The following SLC44A3 variants were observed in gnomAD, a reference collection of about 807,000 sequenced individuals.
The protein encoded by SLC44A3 is solute carrier family 44 member 3, also known as choline transporter-like protein 3.
A neutral mutation model predicts 75.4 loss-of-function variants in SLC44A3; 74 were observed. The observed-to-expected ratio is 0.98, with a 90% confidence interval of 0.81 to 1.19. The LOEUF (loss-of-function observed/expected upper bound fraction) is 1.19. SLC44A3 is among the 50% of genes most tolerant of loss of function. The probability of loss-of-function intolerance (pLI) is 0.00; values close to 1 mark genes in which losing one functional copy is unlikely to be tolerated. For missense variants in SLC44A3, 700 were observed against 778.6 expected (o/e 0.90, Z 1.20); for synonymous variants, 310 against 296.9 (o/e 1.04, Z -0.45).
rs367930242 is a variant in SLC44A3, at chr1:94,871,966, G to C, written c.1482+4549G>C. 1.5e-3 allele frequency among the ~76,000 whole-genome samples: 225 copies of C among 152,318 alleles called. 1 individual carries two copies. The highest frequency in any genetic ancestry group is 5.3e-3 in the African/African-American group (221 of 41,570). ...CTGCAAAATTTATGAATGCACACAC[G>C]TAGACAGTTGGGATTTGCAAACTGG... On this transcript the variant is annotated intron_variant, in intron 12 of 14. Coordinates refer to ENST00000271227, the MANE Select transcript of SLC44A3 (RefSeq NM_001114106.3).
rs188027634 is a variant in SLC44A3 at position 94,880,456 on chromosome 1, G to C, written c.1483-10674G>C. ...AGCCAGTCACAAAAGGACGAATACT[G>C]TATGATTCCATTCAGTATTTCCAAT... On this transcript the variant is annotated intron_variant, in intron 12 of 14. Transcript: ENST00000271227. Among the ~76,000 whole-genome samples the C allele has an allele frequency of 3.8e-3, 577 of 152,272 alleles. 1 individual carries two copies. The highest frequency in any genetic ancestry group is 0.034 in the Middle Eastern group (10 of 294).
chr1:94,832,919 A>G (rs1249311302), intron 5 of SLC44A3, among the ~76,000 whole-genome samples: 1 of 151,958 alleles, frequency 6.6e-6, no homozygotes, highest in Non-Finnish European at 1.5e-5. Flanking sequence ...GTGAGCTGTG[A>G]TCATGCCACT....
intron 12 of SLC44A3, among the ~76,000 whole-genome samples, chr1:94,884,535 GTT>G (rs773689176): frequency 6.6e-6 from 1 of 152,158 alleles, no homozygotes; most frequent in Non-Finnish European, 1.5e-5. Flanking sequence ...TCTCAAGTTT[GTT>G]TTAGTAGTTC....
In SLC44A3 at chr1:94,895,008, T is replaced by C. The variant is rs996305658; in HGVS notation, c.*86T>C. ...GAAGATGAGACCACTAGAGAAAAGT[T>C]AGTGAATTTTTTTTTAAAAGACCTA... is the stretch of plus-strand genomic sequence containing the variant. On this transcript the variant is annotated 3_prime_UTR_variant, in exon 15 of 15. Coordinates refer to ENST00000271227, the MANE Select transcript of SLC44A3 (RefSeq NM_001114106.3). The C allele has an allele frequency of 4.7e-6, 5 of 1,067,684 alleles. No homozygotes were observed. In the African/African-American group the frequency reaches 4.8e-5, roughly 10 times the overall value. 66.1% of individuals were successfully genotyped at this position (1,067,684 alleles called of 1,614,324 possible).
chr1:94,850,718 G>T (rs1358519292), intron 9 of SLC44A3, among the ~76,000 whole-genome samples: 1 of 152,196 alleles, frequency 6.6e-6, no homozygotes, highest in Non-Finnish European at 1.5e-5. Context: ...GCTGAGATGA[G>T]ACAAGAGCTT....
At chr1:94,820,528 C>T (rs1297013351) in intron 1 of SLC44A3, 50 bp downstream of exon 1, 2 of 1,480,416 alleles carry the variant, frequency 1.4e-6, no homozygotes, top group Non-Finnish European at 9.0e-7. Flanking sequence ...GGGGAAGGGT[C>T]GAGTCCCCCG....
At chr1:94,876,738 A>G (rs1415713804) in intron 12 of SLC44A3, among the ~76,000 whole-genome samples, 1 of 152,204 alleles carries the variant, frequency 6.6e-6, no homozygotes, top group African/African-American at 2.4e-5. Context: ...GCAGATTCAG[A>G]TGTGCAGATG....
At chr1:94,828,888 G>A (rs1438953751) in intron 5 of SLC44A3, among the ~76,000 whole-genome samples, 1 of 152,124 alleles carries the variant, frequency 6.6e-6, no homozygotes, top group East Asian at 1.9e-4. Context: ...TACTAACGGG[G>A]TGATTTTATA....
chr1:94,872,058 T>G (rs1180686816), intron 12 of SLC44A3, among the ~76,000 whole-genome samples: 2 of 152,242 alleles, frequency 1.3e-5, no homozygotes, highest in Non-Finnish European at 2.9e-5. Context: ...GCAGTCATTC[T>G]TGTCTTGATG....
chr1:94,852,771 C>A (rs1172749849), intron 9 of SLC44A3, among the ~76,000 whole-genome samples: 2 of 152,150 alleles, frequency 1.3e-5, no homozygotes, highest in African/African-American at 4.8e-5. Context: ...TTTCTGGTTA[C>A]ATGAAAGAAA....
At chr1:94,860,199 A>T (rs1485155816) in intron 10 of SLC44A3, among the ~76,000 whole-genome samples, 1 of 152,202 alleles carries the variant, frequency 6.6e-6, no homozygotes, top group South Asian at 2.1e-4. Flanking sequence ...ACAAAGATGT[A>T]TTGCTAGGAT....
intron 12 of SLC44A3, among the ~76,000 whole-genome samples, chr1:94,878,862 T>TG (rs1668614812): frequency 1.3e-5 from 2 of 152,200 alleles, no homozygotes; most frequent in Non-Finnish European, 2.9e-5. Context: ...CAAATGATCT[T>TG]GGGAAAACCA....
chr1:94,845,470 G>A lies in SLC44A3; in HGVS notation c.1072+6G>A. 1 of 1,604,164 alleles carries A rather than the reference G, an allele frequency of 6.2e-7. No homozygotes were observed. The highest frequency in any genetic ancestry group is 8.5e-7 in the Non-Finnish European group (1 of 1,178,016). On this transcript the variant is annotated splice_donor_region_variant and intron_variant, in intron 9 of 14. Transcript: ENST00000271227. ...GCTGAGCCTGGGAACTGCAGGTAAG[G>A]GACAGTGGGTGTGGGTTCCATCACC...
At chr1:94,829,308 T>A (rs532789506) in intron 5 of SLC44A3, among the ~76,000 whole-genome samples, 49 of 151,898 alleles carry the variant, frequency 3.2e-4, no homozygotes, top group Admixed American at 1.2e-3. Flanking sequence ...TCGTTTACTT[T>A]TGGCTTTTTA....
chr1:94,847,506 C>T (rs1664566596), intron 9 of SLC44A3, among the ~76,000 whole-genome samples: 2 of 152,158 alleles, frequency 1.3e-5, no homozygotes, highest in Non-Finnish European at 2.9e-5. Flanking sequence ...GGCAGGCACG[C>T]ACCAATCAGA....
At position 94,876,608 on chromosome 1, in the gene SLC44A3, C is replaced by T. The variant is rs1471798912; in HGVS notation, c.1482+9191C>T. Among the ~76,000 whole-genome samples, 3 of 152,158 alleles carry T rather than the reference C, an allele frequency of 2.0e-5. No homozygotes were observed. In the East Asian group the frequency reaches 5.8e-4, roughly 29 times the overall value. On this transcript the variant is annotated intron_variant, in intron 12 of 14. Coordinates refer to ENST00000271227, the MANE Select transcript of SLC44A3 (RefSeq NM_001114106.3). The stretch of plus-strand genomic sequence containing the variant: ...TCACTGTGGCTGAAGGAATACATGC[C>T]ACTTTGATTTAGCAGTCACTAAGTC...
rs551656175 is a variant in SLC44A3 at position 94,882,153 on chromosome 1, C to T, written c.1483-8977C>T. 1.5e-4 allele frequency among the ~76,000 whole-genome samples: 23 copies of T among 152,312 alleles called. No homozygotes were observed. In the East Asian group the frequency reaches 2.1e-3, roughly 14 times the overall value. ...CAGTCTAAGTTTATCTTCTCTAGGA[C>T]TCTGCGTATTAGGTAGGTATTATCC... On this transcript the variant is annotated intron_variant, in intron 12 of 14. Transcript: ENST00000271227.
chr1:94,891,329 G>A, intron 13 of SLC44A3, 62 bp downstream of exon 13: 1 of 1,506,146 alleles, frequency 6.6e-7, no homozygotes, highest in Non-Finnish European at 8.9e-7. Context: ...TACAACAATT[G>A]GTTTGAAAGG....
chr1:94,889,171 T>C (rs1199519652), intron 12 of SLC44A3: 1 of 152,150 alleles, frequency 6.6e-6, no homozygotes, highest in Non-Finnish European at 1.5e-5. Flanking sequence ...TTGTTAGTGG[T>C]CTTCATCTCT....
Sources: allele counts gnomAD v4.1 joint callset (sites outside exome capture counted in the v4.1 genomes callset), GRCh38; gene constraint gnomAD v4.1.1; transcripts MANE v1.5; gene names NCBI Gene and HGNC (gene_info 2026-07-23, HGNC 2026-07-21).